The following SH3BGRL variants were observed in gnomAD, a reference collection of about 807,000 sequenced individuals.
The protein encoded by SH3BGRL is SH3 domain binding glutamate rich protein like, also known as adapter SH3BGRL.
SH3BGRL carries 7 observed loss-of-function variants against 9.8 expected under a neutral mutation model. That is an observed-to-expected ratio of 0.72 (90% confidence interval 0.41 to 1.35). SH3BGRL has a LOEUF of 1.35. SH3BGRL is among the 40% of genes most tolerant of loss of function. The probability of loss-of-function intolerance (pLI) is 0.01; values close to 1 mark genes in which losing one functional copy is unlikely to be tolerated. For missense variants in SH3BGRL, 73 were observed against 84.4 expected (o/e 0.86, Z 0.53); for synonymous variants, 36 against 29.1 (o/e 1.24, Z -0.76).
chrX:81,252,120 T>C (rs1602612095), intron 1 of SH3BGRL, among the ~76,000 whole-genome samples: 1 of 112,122 alleles, frequency 8.9e-6, no homozygotes, highest in African/African-American at 3.2e-5. Context: ...ATCATGTAGA[T>C]ATTTTAAAAT....
At chrX:81,209,140 T>C (rs1384730322) in intron 1 of SH3BGRL, among the ~76,000 whole-genome samples, 1 of 108,448 alleles carries the variant, frequency 9.2e-6, no homozygotes, top group Non-Finnish European at 1.9e-5. Context: ...CTCAAGTAGC[T>C]GGGACCACAG....
chrX:81,291,080 C>T (rs1327586426), intron 3 of SH3BGRL, among the ~76,000 whole-genome samples: 1 of 111,765 alleles, frequency 8.9e-6, no homozygotes, highest in Non-Finnish European at 1.9e-5. Context: ...AAGCAAGATG[C>T]ATACTGTGAC....
intron 1 of SH3BGRL, among the ~76,000 whole-genome samples, chrX:81,251,358 A>G (rs1182242165): frequency 5.4e-5 from 6 of 110,578 alleles, no homozygotes; most frequent in Non-Finnish European, 1.1e-4. Flanking sequence ...TGGCTTGACT[A>G]GCTCGCTTCC....
At chrX:81,226,528 C>A (rs189500023) in intron 1 of SH3BGRL, among the ~76,000 whole-genome samples, 2,468 of 100,076 alleles carry the variant, frequency 0.025, 75 homozygotes, top group African/African-American at 0.083. Context: ...ATATCTATAT[C>A]TCTCTCTCTA....
At chrX:81,238,131 T>G (rs2075654245) in intron 1 of SH3BGRL, among the ~76,000 whole-genome samples, 1 of 109,962 alleles carries the variant, frequency 9.1e-6, no homozygotes, top group Admixed American at 9.6e-5. Context: ...GGTCTCTGAT[T>G]GTAAGCTTAA....
At chrX:81,214,175 A>G (rs2075574382) in intron 1 of SH3BGRL, among the ~76,000 whole-genome samples, 1 of 112,090 alleles carries the variant, frequency 8.9e-6, no homozygotes, top group Non-Finnish European at 1.9e-5. Context: ...TGTTAGTTCC[A>G]TACAGGAATT....
chrX:81,267,568 T>C (rs2075761880), intron 1 of SH3BGRL, among the ~76,000 whole-genome samples: 1 of 111,682 alleles, frequency 9.0e-6, no homozygotes, highest in South Asian at 3.8e-4. Context: ...GACTTGATTG[T>C]GGTGGATAAG....
At chrX:81,208,601 C>A (rs758630994) in intron 1 of SH3BGRL, among the ~76,000 whole-genome samples, 41 of 112,155 alleles carry the variant, frequency 3.7e-4, no homozygotes, top group African/African-American at 1.3e-3. Context: ...ACTATCTGAC[C>A]ATCTGTTTGC....
At chrX:81,274,422 C>T (rs5913417) in intron 1 of SH3BGRL, among the ~76,000 whole-genome samples, 60,578 of 108,425 alleles carry the variant, frequency 0.56, 14,341 homozygotes, top group Non-Finnish European at 0.73. Flanking sequence ...ACCAGCCTGA[C>T]CAACATGGTG....
At chrX:81,236,598 C>G (rs1385653579) in intron 1 of SH3BGRL, among the ~76,000 whole-genome samples, 2 of 111,374 alleles carry the variant, frequency 1.8e-5, no homozygotes, top group Non-Finnish European at 3.8e-5. Flanking sequence ...TCTGCATTTT[C>G]AACAACAGAT....
At chrX:81,227,783 A>G in intron 1 of SH3BGRL, among the ~76,000 whole-genome samples, 1 of 112,069 alleles carries the variant, frequency 8.9e-6, no homozygotes, top group East Asian at 2.8e-4. Flanking sequence ...GTGCTGTTAC[A>G]TAGCCTAAAC....
At chrX:81,278,276 T>C in intron 2 of SH3BGRL, 55 bp from the exon 3 acceptor site, 7 of 931,153 alleles carry the variant, frequency 7.5e-6, no homozygotes, top group Non-Finnish European at 1.1e-5. Context: ...TAAATTTCCT[T>C]TTTTTCTTTT....
chrX:81,254,887 TTAAG>T (rs1366656474), intron 1 of SH3BGRL, among the ~76,000 whole-genome samples: 40 of 109,138 alleles, frequency 3.7e-4, no homozygotes, highest in South Asian at 2.3e-3. Context: ...AACTTCTTTC[TTAAG>T]TTTTTTTTTT....
intron 1 of SH3BGRL, among the ~76,000 whole-genome samples, chrX:81,263,568 C>A (rs2075747454): frequency 8.9e-6 from 1 of 111,845 alleles, no homozygotes; most frequent in Non-Finnish European, 1.9e-5. Context: ...AATATCACTT[C>A]TGAATAATCT....
At chrX:81,269,672 G>C (rs1409812672) in intron 1 of SH3BGRL, among the ~76,000 whole-genome samples, 1 of 110,769 alleles carries the variant, frequency 9.0e-6, no homozygotes, top group African/African-American at 3.3e-5. Flanking sequence ...TTTCAACCTT[G>C]GTGAATCTGA....
intron 1 of SH3BGRL, among the ~76,000 whole-genome samples, chrX:81,243,678 C>G (rs1439865026): frequency 3.6e-5 from 4 of 110,127 alleles, no homozygotes; most frequent in Admixed American, 9.6e-5. Flanking sequence ...TCATGTCCCC[C>G]ATAAATATAT....
intron 1 of SH3BGRL, chrX:81,237,035 T>C: frequency 1.2e-6 from 1 of 811,144 alleles, no homozygotes; most frequent in Non-Finnish European, 1.6e-6. Context: ...CCATGGAAAT[T>C]AGATAGATTC....
chrX:81,291,248 G>A (rs765313565), intron 3 of SH3BGRL, among the ~76,000 whole-genome samples: 1 of 111,629 alleles, frequency 9.0e-6, no homozygotes, highest in South Asian at 3.8e-4. Context: ...ATAAAGAAAA[G>A]AAGTTTAATT....
In SH3BGRL at chrX:81,278,384, A is replaced by C; in HGVS notation, c.285A>C (p.Leu95Phe). The change falls in exon 3 of 4, where the codon TTA becomes TTC. Residue 95 changes from leucine to phenylalanine, a missense_variant. Transcript: ENST00000373212. Reference sequence around the variant, plus strand: ...AAAATAATGCAGTGTATGCCTTCTTAGGCTTGACAGCCCCACCTGGTTCAA... The same window carrying C: ...AAAATAATGCAGTGTATGCCTTCTTCGGCTTGACAGCCCCACCTGGTTCAA... ...ARENNAVYAF[L>F]GLTAPPGSKE... 8.4e-7 allele frequency: 1 copy of C among 1,193,487 alleles called. No homozygotes were observed. The highest frequency in any genetic ancestry group is 1.1e-6 in the Non-Finnish European group (1 of 881,561).
Sources: gnomAD v4.1 joint callset for allele counts (sites outside exome capture counted in the v4.1 genomes callset) on GRCh38, gnomAD v4.1.1 for gene constraint, MANE v1.5 for transcripts, NCBI Gene and HGNC (gene_info 2026-07-23, HGNC 2026-07-21) for gene names.